The following CACNG3 variants were observed in gnomAD, a reference collection of about 807,000 sequenced individuals.
CACNG3 encodes voltage-dependent calcium channel gamma-3 subunit.
A neutral mutation model predicts 28.5 loss-of-function variants in CACNG3; 3 were observed. The observed-to-expected ratio is 0.11, with a 90% confidence interval of 0.05 to 0.27. CACNG3 has a LOEUF of 0.27. CACNG3 is among the 10% of genes least tolerant of loss of function. The pLI, the probability that CACNG3 is intolerant of heterozygous loss-of-function variation, is 1.00. For missense variants in CACNG3, 236 were observed against 414.4 expected, an observed-to-expected ratio of 0.57 and a Z score of 3.74; for synonymous variants, 174 against 162.2, an observed-to-expected ratio of 1.07 and a Z score of -0.55.
intron 1 of CACNG3, among the ~76,000 whole-genome samples, chr16:24,286,738 T>C (rs2141353684): frequency 6.6e-6 from 1 of 152,348 alleles, no homozygotes; most frequent in East Asian, 1.9e-4. Flanking sequence ...AAGTGGAAAC[T>C]GAGGCCTGGA....
intron 1 of CACNG3, among the ~76,000 whole-genome samples, chr16:24,272,058 T>G (rs1898697682): frequency 6.6e-6 from 1 of 151,426 alleles, no homozygotes; most frequent in South Asian, 2.1e-4. Flanking sequence ...CCCCTAGAAA[T>G]CCATGAAGAC....
intron 1 of CACNG3, among the ~76,000 whole-genome samples, chr16:24,263,749 C>T (rs148131790): frequency 1.3e-5 from 2 of 152,312 alleles, no homozygotes; most frequent in African/African-American, 4.8e-5. Context: ...TGTTTTAATT[C>T]TTGTGTTTCC....
chr16:24,341,520 A>T (rs532666148), intron 1 of CACNG3, among the ~76,000 whole-genome samples: 2 of 152,350 alleles, frequency 1.3e-5, no homozygotes, highest in East Asian at 1.9e-4. Flanking sequence ...TAAAAGATTT[A>T]TGTGTAAAGT....
intron 1 of CACNG3, among the ~76,000 whole-genome samples, chr16:24,289,120 G>T (rs1361331315): frequency 6.6e-6 from 1 of 152,120 alleles, no homozygotes; most frequent in Non-Finnish European, 1.5e-5. Flanking sequence ...AAGGTAGTAA[G>T]AAAGTGGAAG....
chr16:24,300,553 C>T (rs1235089522), intron 1 of CACNG3, among the ~76,000 whole-genome samples: 1 of 151,626 alleles, frequency 6.6e-6, no homozygotes. Context: ...AATACATCCT[C>T]TGGCAGGATC....
At chr16:24,320,834 A>C (rs1899445821) in intron 1 of CACNG3, among the ~76,000 whole-genome samples, 1 of 152,100 alleles carries the variant, frequency 6.6e-6, no homozygotes, top group Non-Finnish European at 1.5e-5. Flanking sequence ...GACACAAGCA[A>C]TCCTCCTGCC....
Position 24,272,870 on chromosome 16 carries a change from G to A in CACNG3, c.211+15905G>A, listed in dbSNP as rs186748797. Reference sequence around the variant, plus strand: ...TTTAAAATTTTATTTTAAGTTCAGGGGTACTTGTGCAGGTTTGTTATGAAG... The same window carrying A: ...TTTAAAATTTTATTTTAAGTTCAGGAGTACTTGTGCAGGTTTGTTATGAAG... On this transcript the variant is annotated intron_variant, in intron 1 of 3. Coordinates refer to ENST00000005284, the MANE Select transcript of CACNG3 (RefSeq NM_006539.4). Among the ~76,000 whole-genome samples, 714 of 151,978 alleles carry A rather than the reference G, an allele frequency of 4.7e-3. 14 individuals are homozygous for A. Among genetic ancestry groups the A allele is most frequent in the Admixed American group, 3.9e-3 (60 of 15,262 alleles).
At chr16:24,331,415 C>T (rs1899629583) in intron 1 of CACNG3, among the ~76,000 whole-genome samples, 1 of 152,202 alleles carries the variant, frequency 6.6e-6, no homozygotes, top group Admixed American at 6.5e-5. Flanking sequence ...GCAGTACCCT[C>T]TCTCGAAGAG....
intron 3 of CACNG3, among the ~76,000 whole-genome samples, chr16:24,356,208 T>C (rs1900028931): frequency 6.6e-6 from 1 of 152,124 alleles, no homozygotes; most frequent in Admixed American, 6.5e-5. Flanking sequence ...GGCTGGACTC[T>C]GGTGATGACT....
intron 1 of CACNG3, among the ~76,000 whole-genome samples, chr16:24,344,235 C>T (rs1379219784): frequency 6.6e-6 from 1 of 151,966 alleles, no homozygotes; most frequent in Non-Finnish European, 1.5e-5. Context: ...GGTTCAAGAC[C>T]AGCCTGGCCA....
intron 1 of CACNG3, among the ~76,000 whole-genome samples, chr16:24,335,446 A>C (rs1310847276): frequency 6.6e-6 from 1 of 152,158 alleles, no homozygotes; most frequent in Non-Finnish European, 1.5e-5. Context: ...ACATACATAC[A>C]TAAAATAAAA....
Position 24,256,778 on chromosome 16 carries a change from C to G in CACNG3, c.24C>G (p.Ile8Met). The change falls in exon 1 of 4, where the codon ATC becomes ATG. Residue 8 changes from isoleucine to methionine, a missense_variant. By Grantham distance (10) the Ile-to-Met change is conservative (BLOSUM62 1). Coordinates refer to ENST00000005284, the MANE Select transcript of CACNG3 (RefSeq NM_006539.4). This position sits in a 1 kb window ranked among gnomAD's most constrained non-coding sequence, Gnocchi z 4.6. ...TTATGAGGATGTGTGACAGAGGTAT[C>G]CAGATGTTGATCACCACTGTAGGAG... MRMCDRG[I>M]QMLITTVGAF... is the part of the protein sequence containing the mutation. The G allele has an allele frequency of 6.2e-7, 1 of 1,612,726 alleles. No individual in the cohort carries two copies. Among genetic ancestry groups the G allele is most frequent in the Non-Finnish European group, 8.5e-7 (1 of 1,178,730 alleles).
chr16:24,331,525 C>A (rs1415885216), intron 1 of CACNG3, among the ~76,000 whole-genome samples: 1 of 152,206 alleles, frequency 6.6e-6, no homozygotes, highest in African/African-American at 2.4e-5. Flanking sequence ...CTCTAAGATG[C>A]ACTTTCATTC....
chr16:24,348,189 G>GGAGT (rs1899895228), intron 2 of CACNG3, among the ~76,000 whole-genome samples: 3 of 152,124 alleles, frequency 2.0e-5, no homozygotes, highest in Non-Finnish European at 2.9e-5. Context: ...CTTGAAGCCA[G>GGAGT]GAGTTCAAGA....
In CACNG3 at chr16:24,345,753, A is replaced by G. The variant is rs958266915; in HGVS notation, c.212-981A>G. Reference sequence around the variant, plus strand: ...GGACGGATGTTCAAGATGCATGTTCAGCAAATCTGAGGCTCCCAAAGGGGT... The same window carrying G: ...GGACGGATGTTCAAGATGCATGTTCGGCAAATCTGAGGCTCCCAAAGGGGT... On this transcript the variant is annotated intron_variant, in intron 1 of 3. Coordinates refer to ENST00000005284, the MANE Select transcript of CACNG3 (RefSeq NM_006539.4). Among the ~76,000 whole-genome samples the G allele has an allele frequency of 2.6e-5, 4 of 152,340 alleles. No individual in the cohort carries two copies. In the Middle Eastern group the frequency reaches 0.01, roughly 389 times the overall value.
intron 1 of CACNG3, among the ~76,000 whole-genome samples, chr16:24,329,010 GGGC>G (rs1345098566): frequency 1.3e-5 from 2 of 152,166 alleles, no homozygotes; most frequent in African/African-American, 2.4e-5. Context: ...AGGGCTGAGT[GGGC>G]AGGGAGAATG....
chr16:24,267,522 A>G (rs930098862), intron 1 of CACNG3, among the ~76,000 whole-genome samples: 4 of 152,054 alleles, frequency 2.6e-5, no homozygotes, highest in East Asian at 1.9e-4. Context: ...TCATGGGCTG[A>G]AGCAATTCTC....
chr16:24,346,961 G>T, intron 2 of CACNG3, 144 bp downstream of exon 2: 2 of 639,626 alleles, frequency 3.1e-6, no homozygotes, highest in Non-Finnish European at 5.6e-6. Flanking sequence ...AGTACACAGA[G>T]ACACTCAAGT....
At position 24,304,853 on chromosome 16, in the gene CACNG3, C is replaced by T. The variant is rs540230275; in HGVS notation, c.212-41881C>T. Reference sequence around the variant, plus strand: ...CTGGGATTACAGGCATGAGCCACCGCGCCCAGCATGATTTCTTAAGTTTTA... The same window carrying T: ...CTGGGATTACAGGCATGAGCCACCGTGCCCAGCATGATTTCTTAAGTTTTA... On this transcript the variant is annotated intron_variant, in intron 1 of 3. Coordinates refer to ENST00000005284, the MANE Select transcript of CACNG3 (RefSeq NM_006539.4). Among the ~76,000 whole-genome samples the T allele has an allele frequency of 3.3e-5, 5 of 152,236 alleles. 1 individual carries two copies. Among genetic ancestry groups the T allele is most frequent in the African/African-American group, 9.6e-5 (4 of 41,554 alleles).
Sources: allele counts gnomAD v4.1 joint callset (sites outside exome capture counted in the v4.1 genomes callset), GRCh38; gene constraint gnomAD v4.1.1; non-coding constraint Gnocchi (gnomAD v3.1); transcripts MANE v1.5; gene names NCBI Gene and HGNC (gene_info 2026-07-23, HGNC 2026-07-21).